The following CEP112 variants were observed in gnomAD, a reference collection of about 807,000 sequenced individuals.
CEP112 encodes the protein centrosomal protein of 112 kDa.
Under a neutral mutation model 153.0 loss-of-function variants are expected in CEP112, and 127 were observed. That is an observed-to-expected ratio of 0.83 (90% CI 0.72 to 0.96). The LOEUF (loss-of-function observed/expected upper bound fraction) is 0.96. Among genes scored for constraint, CEP112 ranks in the 40% least tolerant of loss-of-function variants. The probability of loss-of-function intolerance (pLI) is 0.00; values close to 1 mark genes in which losing one functional copy is unlikely to be tolerated. For missense variants in CEP112, 1,089 were observed against 1,101.2 expected, an observed-to-expected ratio of 0.99 and a Z score of 0.16; for synonymous variants, 358 against 374.4, an observed-to-expected ratio of 0.96 and a Z score of 0.51.
chr17:66,135,731 A>G (rs1255935425), intron 4 of CEP112, among the ~76,000 whole-genome samples: 2 of 152,170 alleles, frequency 1.3e-5, no homozygotes, highest in African/African-American at 4.8e-5. Flanking sequence ...ATGAGAAAAT[A>G]TTTCAACAGG....
chr17:66,031,891 G>C (rs1234392818), intron 12 of CEP112, among the ~76,000 whole-genome samples: 1 of 152,106 alleles, frequency 6.6e-6, no homozygotes, highest in Non-Finnish European at 1.5e-5. Flanking sequence ...ATGAGGATGG[G>C]GCAAGGAAAC....
At chr17:66,081,310 G>A (rs1180923636) in intron 8 of CEP112, among the ~76,000 whole-genome samples, 2 of 152,082 alleles carry the variant, frequency 1.3e-5, no homozygotes, top group Non-Finnish European at 2.9e-5. Flanking sequence ...ACAAATAGGT[G>A]AAAATTATCA....
chr17:66,096,368 C>G (rs377290505), intron 7 of CEP112, 40 bp from the exon 8 acceptor site: 19 of 1,569,922 alleles, frequency 1.2e-5, no homozygotes, highest in Admixed American at 3.4e-5. Flanking sequence ...GTTTTCAGAT[C>G]TGGTTTATCC....
At chr17:65,975,988 G>A (rs1010005065) in intron 17 of CEP112, among the ~76,000 whole-genome samples, 5 of 152,194 alleles carry the variant, frequency 3.3e-5, no homozygotes, top group South Asian at 2.1e-4. Context: ...GATGTGTTAC[G>A]CAATCCTCCC....
intron 17 of CEP112, among the ~76,000 whole-genome samples, chr17:65,968,083 T>A (rs2062480389): frequency 6.6e-6 from 1 of 152,154 alleles, no homozygotes; most frequent in Admixed American, 6.5e-5. Context: ...ATTACAGATG[T>A]AGTATTATAT....
chr17:65,977,677 A>G (rs1397163569), intron 17 of CEP112, among the ~76,000 whole-genome samples: 1 of 152,302 alleles, frequency 6.6e-6, no homozygotes, highest in Middle Eastern at 3.4e-3. Flanking sequence ...ACAGTGGCTC[A>G]TGCCTATAAT....
intron 12 of CEP112, among the ~76,000 whole-genome samples, chr17:66,045,716 T>C (rs2145871062): frequency 6.6e-6 from 1 of 152,310 alleles, no homozygotes; most frequent in East Asian, 1.9e-4. Flanking sequence ...CTTGTGTATG[T>C]TCTGGGCATA....
At chr17:65,785,980 AG>A (rs1005553655) in intron 21 of CEP112, among the ~76,000 whole-genome samples, 1 of 152,192 alleles carries the variant, frequency 6.6e-6, no homozygotes, top group African/African-American at 2.4e-5. Flanking sequence ...GGATTTCGGT[AG>A]GATTGTGCTG....
At chr17:66,134,920 C>T (rs924208892) in intron 4 of CEP112, among the ~76,000 whole-genome samples, 5 of 152,302 alleles carry the variant, frequency 3.3e-5, no homozygotes, top group African/African-American at 1.2e-4. Context: ...TTTGCCCATC[C>T]CATACATGCT....
intron 21 of CEP112, among the ~76,000 whole-genome samples, chr17:65,800,402 T>G (rs898408672): frequency 2.6e-5 from 4 of 152,200 alleles, no homozygotes. Context: ...TTACATAGTA[T>G]TTTCAAGGTT....
chr17:66,103,648 A>C (rs1228004314), intron 6 of CEP112, among the ~76,000 whole-genome samples: 2 of 131,378 alleles, frequency 1.5e-5, no homozygotes, highest in South Asian at 2.2e-4. Flanking sequence ...CACATAAAAA[A>C]GCACCTTCAT....
chr17:66,143,202 A>G (rs1473152531), intron 4 of CEP112, among the ~76,000 whole-genome samples: 21 of 152,248 alleles, frequency 1.4e-4, no homozygotes, highest in Admixed American at 1.3e-3. Flanking sequence ...AGATATATTC[A>G]TATGTCCAAC....
At chr17:66,125,576 G>A (rs1237132112) in intron 6 of CEP112, among the ~76,000 whole-genome samples, 1 of 151,956 alleles carries the variant, frequency 6.6e-6, no homozygotes, top group Non-Finnish European at 1.5e-5. Flanking sequence ...AAAAAAGCAT[G>A]AAATTGCCTA....
chr17:65,655,682 C>T (rs1196244216), intron 24 of CEP112, among the ~76,000 whole-genome samples: 1 of 151,846 alleles, frequency 6.6e-6, no homozygotes, highest in East Asian at 1.9e-4. Context: ...ATGTAAAAGA[C>T]TACCCATTAC....
At chr17:66,151,156 T>G (rs918089099) in intron 4 of CEP112, among the ~76,000 whole-genome samples, 4 of 152,216 alleles carry the variant, frequency 2.6e-5, no homozygotes, top group Non-Finnish European at 4.4e-5. Flanking sequence ...GCACTGTCTT[T>G]GGCTTCCAGT....
intron 19 of CEP112, among the ~76,000 whole-genome samples, chr17:65,911,548 A>G (rs1405516595): frequency 6.6e-6 from 1 of 152,104 alleles, no homozygotes; most frequent in East Asian, 1.9e-4. Flanking sequence ...TTCCATTTCC[A>G]CTGGGCACAG....
intron 21 of CEP112, among the ~76,000 whole-genome samples, chr17:65,847,614 C>G (rs149786136): frequency 1.3e-5 from 2 of 152,144 alleles, no homozygotes; most frequent in Non-Finnish European, 2.9e-5. Flanking sequence ...GCACCTGCCC[C>G]GAGCTGGGTT....
At chr17:66,029,370 C>A (rs2065364418) in intron 13 of CEP112, 118 bp from the exon 14 acceptor site, 5 of 866,276 alleles carry the variant, frequency 5.8e-6, no homozygotes, top group Non-Finnish European at 8.7e-6. Flanking sequence ...TAAGTATCCA[C>A]AATTTTGTCA....
At chr17:66,132,994 G>C (rs1275760319) in intron 4 of CEP112, among the ~76,000 whole-genome samples, 3 of 151,596 alleles carry the variant, frequency 2.0e-5, no homozygotes, top group Admixed American at 2.0e-4. Flanking sequence ...AGCTGAGATT[G>C]TGCCACTGCA....
Sources: gnomAD v4.1 joint callset for allele counts (sites outside exome capture counted in the v4.1 genomes callset) on GRCh38, gnomAD v4.1.1 for gene constraint, MANE v1.5 for transcripts, NCBI Gene and HGNC (gene_info 2026-07-23, HGNC 2026-07-21) for gene names.